WWOX: variants seen among roughly 807,000 people sequenced by gnomAD.
WWOX encodes WW domain containing oxidoreductase, also known as WW domain-containing oxidoreductase.
In WWOX, 69 loss-of-function variants were observed where a neutral mutation model predicts 46.2. The observed-to-expected ratio is 1.49, with a 90% confidence interval of 1.23 to 1.82. The LOEUF is 1.82. WWOX is among the 40% of genes most tolerant of loss of function. WWOX has a pLI of 0.00. For missense variants in WWOX, 919 were observed against 542.6 expected, an observed-to-expected ratio of 1.69 and a Z score of -6.89; for synonymous variants, 359 against 202.6, an observed-to-expected ratio of 1.77 and a Z score of -6.56.
chr16:78,671,191 G>C (rs1162282182), intron 8 of WWOX, among the ~76,000 whole-genome samples: 6 of 152,212 alleles, frequency 3.9e-5, no homozygotes, highest in Admixed American at 1.3e-4. Flanking sequence ...GGGAGGCTGA[G>C]GCAGGTGGAT....
At chr16:79,142,875 A>G (rs2050116566) in intron 8 of WWOX, among the ~76,000 whole-genome samples, 1 of 151,914 alleles carries the variant, frequency 6.6e-6, no homozygotes, top group Admixed American at 6.6e-5. Context: ...ATTTTTATAT[A>G]TATTTTTTTA....
chr16:79,004,414 A>G (rs775153028), intron 8 of WWOX: 1 of 152,216 alleles, frequency 6.6e-6, no homozygotes, highest in African/African-American at 2.4e-5. Flanking sequence ...GAGTGGAGGA[A>G]CAGAGCCGAA....
intron 8 of WWOX, among the ~76,000 whole-genome samples, chr16:79,174,250 G>A (rs1378235263): frequency 6.6e-6 from 1 of 152,196 alleles, no homozygotes; most frequent in African/African-American, 2.4e-5. Flanking sequence ...TGTACACTTT[G>A]TTTCTGTTTC....
chr16:78,923,617 A>G (rs868523563), intron 8 of WWOX, among the ~76,000 whole-genome samples: 1 of 151,646 alleles, frequency 6.6e-6, no homozygotes, highest in African/African-American at 2.4e-5. Flanking sequence ...GGGTGGGGGG[A>G]TATTTCACTC....
At chr16:78,361,260 C>T (rs1030344754) in intron 5 of WWOX, among the ~76,000 whole-genome samples, 6 of 152,128 alleles carry the variant, frequency 3.9e-5, no homozygotes, top group Non-Finnish European at 8.8e-5. Flanking sequence ...GATGTGGTGT[C>T]TTTCTTAGTA....
At chr16:78,571,251 T>A (rs2044708808) in intron 8 of WWOX, among the ~76,000 whole-genome samples, 1 of 152,156 alleles carries the variant, frequency 6.6e-6, no homozygotes, top group African/African-American at 2.4e-5. Context: ...TTAAATAGAT[T>A]TTTATGAGCC....
At chr16:78,761,657 C>T (rs753603107) in intron 8 of WWOX, among the ~76,000 whole-genome samples, 19 of 151,984 alleles carry the variant, frequency 1.3e-4, no homozygotes, top group African/African-American at 2.7e-4. Flanking sequence ...CTGGGCCACC[C>T]GGTTGAGTCT....
At chr16:78,123,906 G>A (rs1282612042) in intron 4 of WWOX, 1 of 152,088 alleles carries the variant, frequency 6.6e-6, no homozygotes, top group African/African-American at 2.4e-5. Flanking sequence ...TACAGTATAT[G>A]TTTCTTAAGT....
At chr16:78,636,013 A>C (rs952926859) in intron 8 of WWOX, among the ~76,000 whole-genome samples, 1 of 152,114 alleles carries the variant, frequency 6.6e-6, no homozygotes, top group African/African-American at 2.4e-5. Flanking sequence ...TGCCAACACG[A>C]AGGTAGATGG....
intron 8 of WWOX, among the ~76,000 whole-genome samples, chr16:78,950,654 A>G (rs1007947539): frequency 2.6e-5 from 4 of 152,154 alleles, no homozygotes; most frequent in African/African-American, 9.7e-5. Flanking sequence ...AAGAATTTTG[A>G]GGTGGAATCC....
At chr16:78,772,884 G>A (rs1414355732) in intron 8 of WWOX, among the ~76,000 whole-genome samples, 1 of 152,092 alleles carries the variant, frequency 6.6e-6, no homozygotes, top group East Asian at 1.9e-4. Context: ...AAATAATGGG[G>A]TGCAGTGGTA....
At chr16:78,358,522 G>A (rs551848015) in intron 5 of WWOX, among the ~76,000 whole-genome samples, 1 of 152,096 alleles carries the variant, frequency 6.6e-6, no homozygotes, top group African/African-American at 2.4e-5. Context: ...GCTGGGTGTG[G>A]TGGCACATGC....
intron 8 of WWOX, among the ~76,000 whole-genome samples, chr16:79,129,550 T>C (rs1335292744): frequency 6.6e-6 from 1 of 151,786 alleles, no homozygotes; most frequent in Non-Finnish European, 1.5e-5. Context: ...GACTGCTGTA[T>C]TTATGCTTAA....
intron 8 of WWOX, among the ~76,000 whole-genome samples, chr16:78,536,329 C>T (rs572152587): frequency 6.6e-6 from 1 of 151,964 alleles, no homozygotes; most frequent in African/African-American, 2.4e-5. Flanking sequence ...AGGACTGTAT[C>T]CCTCCTGAAG....
intron 8 of WWOX, among the ~76,000 whole-genome samples, chr16:78,575,785 G>A (rs2044863453): frequency 6.6e-6 from 1 of 152,148 alleles, no homozygotes; most frequent in Non-Finnish European, 1.5e-5. Context: ...ACATGGTGAA[G>A]TTATCAACAT....
Position 79,086,984 on chromosome 16 carries a change from A to G in WWOX, c.1057-124624A>G, listed in dbSNP as rs183805192. 4.6e-5 allele frequency among the ~76,000 whole-genome samples: 7 copies of G among 152,306 alleles called. No individual in the cohort carries two copies. In the East Asian group the frequency reaches 1.4e-3, roughly 29 times the overall value. ...CTAGGAAGCCCCGTGTCTGAATGGG[A>G]TATGGTGAGAGAGGCAGCCTAGGGA... On this transcript the variant is annotated intron_variant, in intron 8 of 8. Coordinates refer to ENST00000566780, the MANE Select transcript of WWOX (RefSeq NM_016373.4).
At chr16:78,563,376 G>C (rs890571791) in intron 8 of WWOX, among the ~76,000 whole-genome samples, 11 of 151,838 alleles carry the variant, frequency 7.2e-5, no homozygotes, top group African/African-American at 2.7e-4. Flanking sequence ...GGGCAGTATG[G>C]GGTGGTTCAG....
At chr16:78,448,839 A>G (rs2083620883) in intron 8 of WWOX, among the ~76,000 whole-genome samples, 1 of 151,974 alleles carries the variant, frequency 6.6e-6, no homozygotes, top group Non-Finnish European at 1.5e-5. Context: ...TGTCATGGTG[A>G]TTGTCAACTG....
chr16:78,565,476 T>A (rs895753090), intron 8 of WWOX, among the ~76,000 whole-genome samples: 7 of 152,206 alleles, frequency 4.6e-5, no homozygotes, highest in African/African-American at 1.4e-4. Flanking sequence ...CTTTACTGAT[T>A]CCTCTTCCGT....
Sources: gnomAD v4.1 joint callset for allele counts (sites outside exome capture counted in the v4.1 genomes callset) on GRCh38, gnomAD v4.1.1 for gene constraint, MANE v1.5 for transcripts, NCBI Gene and HGNC (gene_info 2026-07-23, HGNC 2026-07-21) for gene names.